The following IQCJ variants were observed in gnomAD, a reference collection of about 807,000 sequenced individuals.
The protein encoded by IQCJ is IQ domain-containing protein J.
In IQCJ, 9 loss-of-function variants were observed where a neutral mutation model predicts 11.0. The ratio of observed to expected loss-of-function variants is 0.82; its 90% CI spans 0.49 to 1.43. The LOEUF (loss-of-function observed/expected upper bound fraction) is 1.43. IQCJ is among the 40% of genes most tolerant of loss of function. The probability of loss-of-function intolerance (pLI) is 0.00; values close to 1 mark genes in which losing one functional copy is unlikely to be tolerated. For missense variants in IQCJ, 146 were observed against 133.2 expected, an observed-to-expected ratio of 1.10 and a Z score of -0.47; for synonymous variants, 55 against 51.3, an observed-to-expected ratio of 1.07 and a Z score of -0.31.
intron 2 of IQCJ, among the ~76,000 whole-genome samples, chr3:159,248,691 T>C (rs1423734351): frequency 6.6e-6 from 1 of 152,202 alleles, no homozygotes; most frequent in Non-Finnish European, 1.5e-5. Flanking sequence ...TTCCTTCATG[T>C]AGCTCTAACA....
intron 1 of IQCJ, among the ~76,000 whole-genome samples, chr3:159,203,382 G>A (rs1279789837): frequency 4.0e-5 from 6 of 151,248 alleles, no homozygotes; most frequent in African/African-American, 7.3e-5. Context: ...AGCAGTAATG[G>A]GGGCTGGATA....
chr3:159,091,824 G>A (rs528484706), intron 1 of IQCJ, among the ~76,000 whole-genome samples: 8 of 151,666 alleles, frequency 5.3e-5, no homozygotes, highest in African/African-American at 1.5e-4. Flanking sequence ...AAAGCCCATG[G>A]GTTCATAGTG....
At chr3:159,247,539 G>T (rs190974005) in intron 2 of IQCJ, among the ~76,000 whole-genome samples, 1 of 152,294 alleles carries the variant, frequency 6.6e-6, no homozygotes, top group East Asian at 1.9e-4. Flanking sequence ...TGTATGAGAT[G>T]GGAAAACCCA....
chr3:159,265,943 G>A (rs1728473213), downstream of IQCJ: 1 of 152,298 alleles, frequency 6.6e-6, no homozygotes, highest in South Asian at 2.1e-4. Context: ...TGCTCTGATT[G>A]TTTTGGCTAG....
intron 1 of IQCJ, among the ~76,000 whole-genome samples, chr3:159,209,349 C>T (rs1214910990): frequency 6.6e-6 from 1 of 152,134 alleles, no homozygotes. Context: ...CTCGCACCAT[C>T]CCCCTTCCGG....
chr3:159,169,279 CTTTTTTTTTTTTTTT>C (rs141888128), intron 1 of IQCJ, among the ~76,000 whole-genome samples: 1 of 56,404 alleles, frequency 1.8e-5, no homozygotes, highest in Non-Finnish European at 3.1e-5. Flanking sequence ...TTCTTTCTTT[CTTTTTTTTTTTTTTT>C]TTTTTTTTGA....
chr3:159,150,889 C>T (rs1721175897), intron 1 of IQCJ, among the ~76,000 whole-genome samples: 1 of 152,172 alleles, frequency 6.6e-6, no homozygotes, highest in African/African-American at 2.4e-5. Context: ...ATCCATGTTT[C>T]TGAATGACTA....
intron 1 of IQCJ, among the ~76,000 whole-genome samples, chr3:159,092,910 T>C (rs1265293907): frequency 6.6e-6 from 1 of 151,806 alleles, no homozygotes; most frequent in South Asian, 2.1e-4. Context: ...TACAGTGTAC[T>C]TTCAAATACC....
At chr3:159,108,661 G>T (rs1193728859) in intron 1 of IQCJ, among the ~76,000 whole-genome samples, 1 of 152,128 alleles carries the variant, frequency 6.6e-6, no homozygotes, top group East Asian at 1.9e-4. Context: ...ACCTGTATTA[G>T]CTGTGAAACT....
chr3:159,108,041 A>G (rs974081686), intron 1 of IQCJ, among the ~76,000 whole-genome samples: 3 of 151,642 alleles, frequency 2.0e-5, no homozygotes, highest in Non-Finnish European at 2.9e-5. Flanking sequence ...AAAATTCTAG[A>G]AAATGACCAA....
At chr3:159,175,980 T>C (rs569015908) in intron 1 of IQCJ, among the ~76,000 whole-genome samples, 18 of 152,322 alleles carry the variant, frequency 1.2e-4, no homozygotes, top group African/African-American at 4.3e-4. Context: ...TTGAAATTGG[T>C]CAGTCTTCTT....
At chr3:159,264,342 A>G (rs1429317474), downstream of IQCJ, among the ~76,000 whole-genome samples, 2 of 152,208 alleles carry the variant, frequency 1.3e-5, no homozygotes, top group African/African-American at 4.8e-5. Flanking sequence ...GCATAAATGC[A>G]TGTTCTTCCC....
intron 1 of IQCJ, among the ~76,000 whole-genome samples, chr3:159,192,873 T>G (rs6810109): frequency 0.019 from 2,817 of 152,222 alleles, 91 homozygotes; most frequent in African/African-American, 0.065. Flanking sequence ...TTAGCCTCTC[T>G]CAAGGGGAAG....
intron 2 of IQCJ, among the ~76,000 whole-genome samples, chr3:159,249,870 A>AC (rs1163319048): frequency 6.7e-6 from 1 of 150,334 alleles, no homozygotes; most frequent in African/African-American, 2.4e-5. Context: ...ACTATCTGAG[A>AC]CCATTGGCAG....
chr3:159,129,311 C>T lies in IQCJ; in HGVS notation c.9+59870C>T, dbSNP rs368782463. The stretch of plus-strand genomic sequence containing the variant: ...AATAGGAAAAAATTTTCATTTCTGT[C>T]TCTTGTTTTCACTTAATAGTTTGAG... On this transcript the variant is annotated intron_variant, in intron 1 of 3. Coordinates refer to ENST00000397832, the MANE Select transcript of IQCJ (RefSeq NM_001042706.3). 3.9e-5 allele frequency among the ~76,000 whole-genome samples: 6 copies of T among 152,310 alleles called. No individual in the cohort carries two copies. In the East Asian group the frequency reaches 9.6e-4, roughly 24 times the overall value.
At chr3:159,261,504 G>C (rs1281357170) in intron 3 of IQCJ, among the ~76,000 whole-genome samples, 1 of 152,188 alleles carries the variant, frequency 6.6e-6, no homozygotes. Flanking sequence ...TTTCCCCCAT[G>C]CCGTTCTGTT....
At chr3:159,206,664 T>A (rs1724672321) in intron 1 of IQCJ, among the ~76,000 whole-genome samples, 1 of 152,212 alleles carries the variant, frequency 6.6e-6, no homozygotes, top group Non-Finnish European at 1.5e-5. Context: ...TTCCCTAAAC[T>A]TGCCTTTTTC....
At chr3:159,129,553 G>C (rs974820579) in intron 1 of IQCJ, among the ~76,000 whole-genome samples, 1 of 152,136 alleles carries the variant, frequency 6.6e-6, no homozygotes, top group Non-Finnish European at 1.5e-5. Flanking sequence ...AAATTTCTCT[G>C]TGTAATAGAG....
At chr3:159,090,098 G>T (rs887076823) in intron 1 of IQCJ, among the ~76,000 whole-genome samples, 1 of 151,722 alleles carries the variant, frequency 6.6e-6, no homozygotes, top group East Asian at 1.9e-4. Context: ...ATGGGTTTTT[G>T]GTGTGGATGT....
Sources: allele counts gnomAD v4.1 joint callset (sites outside exome capture counted in the v4.1 genomes callset), GRCh38; gene constraint gnomAD v4.1.1; transcripts MANE v1.5; gene names NCBI Gene and HGNC (gene_info 2026-07-23, HGNC 2026-07-21).